Variants in MARCHF1 observed in about 807,000 individuals in gnomAD.
MARCHF1 encodes E3 ubiquitin-protein ligase MARCHF1.
In MARCHF1, 40 loss-of-function variants were observed where a neutral mutation model predicts 54.2. The observed-to-expected ratio is 0.74, with a 90% CI of 0.57 to 0.96. The LOEUF is 0.96. Among genes scored for constraint, MARCHF1 ranks in the 40% least tolerant of loss-of-function variants. MARCHF1 has a pLI of 0.00. For missense variants in MARCHF1, 586 were observed against 656.5 expected (o/e 0.89, Z 1.17); for synonymous variants, 236 against 236.3 (o/e 1.00, Z 0.01).
intron 1 of MARCHF1, among the ~76,000 whole-genome samples, chr4:164,361,838 T>A (rs951849888): frequency 6.6e-6 from 1 of 152,102 alleles, no homozygotes; most frequent in African/African-American, 2.4e-5. Context: ...CACTGTACCA[T>A]AATGGCCATA....
intron 5 of MARCHF1, among the ~76,000 whole-genome samples, chr4:163,696,712 TTA>T (rs1744646140): frequency 1.3e-5 from 2 of 152,192 alleles, no homozygotes; most frequent in African/African-American, 4.8e-5. Context: ...TGGCTTGGAC[TTA>T]TAACCCTTTA....
At chr4:163,639,231 A>C (rs964799146) in intron 5 of MARCHF1, among the ~76,000 whole-genome samples, 2 of 152,142 alleles carry the variant, frequency 1.3e-5, no homozygotes, top group East Asian at 1.9e-4. Flanking sequence ...GATGAGATTT[A>C]TTTCTTTGAG....
intron 8 of MARCHF1, among the ~76,000 whole-genome samples, chr4:163,580,360 G>C (rs2110800322): frequency 6.6e-6 from 1 of 152,236 alleles, no homozygotes; most frequent in South Asian, 2.1e-4. Flanking sequence ...TTACAGGTGT[G>C]AGCCACCGCA....
At chr4:163,959,990 G>C (rs1449977180) in intron 3 of MARCHF1, among the ~76,000 whole-genome samples, 1 of 151,994 alleles carries the variant, frequency 6.6e-6, no homozygotes, top group African/African-American at 2.4e-5. Flanking sequence ...TAAAAAGCGA[G>C]CAAAGGACAT....
At chr4:164,312,345 C>T (rs1278014992) in intron 1 of MARCHF1, among the ~76,000 whole-genome samples, 6 of 100,668 alleles carry the variant, frequency 6.0e-5, no homozygotes, top group African/African-American at 2.3e-4. Context: ...TTTTTTGAGA[C>T]GCAGTCTGGC....
At chr4:164,100,039 C>T (rs1755505333) in intron 2 of MARCHF1, among the ~76,000 whole-genome samples, 1 of 152,106 alleles carries the variant, frequency 6.6e-6, no homozygotes, top group Admixed American at 6.5e-5. Context: ...ATAAATGAAT[C>T]TCTCTAACTG....
At chr4:164,031,123 G>A (rs1753867822) in intron 2 of MARCHF1, among the ~76,000 whole-genome samples, 1 of 152,180 alleles carries the variant, frequency 6.6e-6, no homozygotes, top group South Asian at 2.1e-4. Context: ...TAGGAGTGGT[G>A]ACAGAAGGCA....
At chr4:164,340,669 C>T (rs1391651654) in intron 1 of MARCHF1, among the ~76,000 whole-genome samples, 3 of 151,510 alleles carry the variant, frequency 2.0e-5, no homozygotes, top group African/African-American at 4.8e-5. Context: ...GCAATCTGCC[C>T]ACCTTGGCCT....
intron 1 of MARCHF1, among the ~76,000 whole-genome samples, chr4:164,320,041 C>T (rs1461405608): frequency 1.3e-5 from 2 of 152,082 alleles, no homozygotes; most frequent in African/African-American, 2.4e-5. Context: ...CAGACAAGAA[C>T]AATCTCTATC....
chr4:164,056,248 G>A (rs571526521), intron 2 of MARCHF1, among the ~76,000 whole-genome samples: 10 of 152,096 alleles, frequency 6.6e-5, no homozygotes, highest in Non-Finnish European at 1.3e-4. Context: ...CCTGTGTGTC[G>A]CTATGAGAAC....
chr4:163,630,896 G>C (rs887216410), intron 5 of MARCHF1, among the ~76,000 whole-genome samples: 1 of 151,758 alleles, frequency 6.6e-6, no homozygotes, highest in Non-Finnish European at 1.5e-5. Context: ...CAAGGAAAAA[G>C]GAAAAGAAGG....
intron 4 of MARCHF1, among the ~76,000 whole-genome samples, chr4:163,731,551 T>C (rs1745830808): frequency 6.6e-6 from 1 of 152,236 alleles, no homozygotes; most frequent in South Asian, 2.1e-4. Context: ...AGAAGATAAT[T>C]CTGGGAGTGT....
intron 2 of MARCHF1, among the ~76,000 whole-genome samples, chr4:164,095,122 C>A (rs990596451): frequency 3.3e-5 from 5 of 151,876 alleles, no homozygotes; most frequent in African/African-American, 1.2e-4. Context: ...AGTTGTTAGA[C>A]GGGAGAAAAC....
At chr4:164,066,765 G>T (rs182911732) in intron 2 of MARCHF1, among the ~76,000 whole-genome samples, 3 of 152,106 alleles carry the variant, frequency 2.0e-5, no homozygotes, top group Admixed American at 2.0e-4. Flanking sequence ...AAGTAACACA[G>T]GAACAGAAAA....
chr4:163,904,886 C>T (rs1031949916), intron 3 of MARCHF1, among the ~76,000 whole-genome samples: 28 of 152,166 alleles, frequency 1.8e-4, no homozygotes, highest in Middle Eastern at 3.4e-3. Flanking sequence ...TTCATTGGAT[C>T]ATTACATTAC....
At chr4:163,639,321 C>T (rs11933431) in intron 5 of MARCHF1, among the ~76,000 whole-genome samples, 3,769 of 152,120 alleles carry the variant, frequency 0.025, 150 homozygotes, top group South Asian at 0.1. Context: ...GTTGCACTGT[C>T]CGTAATATAA....
intron 1 of MARCHF1, among the ~76,000 whole-genome samples, chr4:164,266,855 A>C (rs1733623746): frequency 6.6e-6 from 1 of 152,220 alleles, no homozygotes; most frequent in African/African-American, 2.4e-5. Context: ...TTAGAAAATG[A>C]CAAATTCTTC....
intron 1 of MARCHF1, among the ~76,000 whole-genome samples, chr4:164,195,924 A>C (rs1731243178): frequency 6.6e-6 from 1 of 152,164 alleles, no homozygotes; most frequent in Non-Finnish European, 1.5e-5. Context: ...TTATTACTAG[A>C]ATTTATTGAG....
Position 163,760,092 on chromosome 4 carries a change from G to T in MARCHF1, c.112-59229C>A, listed in dbSNP as rs1167286572. On this transcript the variant is annotated intron_variant, in intron 4 of 9. Coordinates refer to ENST00000514618, the MANE Select transcript of MARCHF1 (RefSeq NM_001394959.1). Reference sequence around the variant, plus strand: ...CAGCAAGATTGTGTTTCTTCAGAAGGCTGTAAGGGGGAATCAGTTTCCTTT... The same window carrying T: ...CAGCAAGATTGTGTTTCTTCAGAAGTCTGTAAGGGGGAATCAGTTTCCTTT... Among the ~76,000 whole-genome samples, 4 of 152,304 alleles carry T rather than the reference G, an allele frequency of 2.6e-5. No individual in the cohort carries two copies. In the East Asian group the frequency reaches 7.7e-4, roughly 29 times the overall value.
Sources: gnomAD v4.1 joint callset for allele counts (sites outside exome capture counted in the v4.1 genomes callset) on GRCh38, gnomAD v4.1.1 for gene constraint, MANE v1.5 for transcripts, NCBI Gene and HGNC (gene_info 2026-07-23, HGNC 2026-07-21) for gene names.